RREB1: variants seen among roughly 807,000 people sequenced by gnomAD.
RREB1 encodes ras-responsive element-binding protein 1.
RREB1 carries 27 observed loss-of-function variants against 117.8 expected under a neutral mutation model. The observed-to-expected ratio is 0.23, with a 90% CI of 0.17 to 0.32. RREB1 has a LOEUF of 0.32. Ranked by LOEUF, RREB1 falls within the 10% of genes least tolerant of loss-of-function variation. The probability of loss-of-function intolerance (pLI) is 1.00; values close to 1 mark genes in which losing one functional copy is unlikely to be tolerated. For missense variants in RREB1, 2,577 were observed against 2,378.2 expected (o/e 1.08, Z -1.74); for synonymous variants, 1,298 against 1,026.7 (o/e 1.26, Z -5.05).
intron 1 of RREB1, among the ~76,000 whole-genome samples, chr6:7,116,601 A>G (rs1333455167): frequency 3.3e-5 from 5 of 152,216 alleles, no homozygotes; most frequent in East Asian, 1.9e-4. Context: ...GAATAGCCAC[A>G]TGTAATTTGG....
intron 11 of RREB1, among the ~76,000 whole-genome samples, chr6:7,244,352 C>T (rs1462958677): frequency 1.3e-5 from 2 of 151,952 alleles, no homozygotes; most frequent in African/African-American, 4.8e-5. Flanking sequence ...GCAGGAGGAC[C>T]CCTTGAGCCC....
intron 8 of RREB1, among the ~76,000 whole-genome samples, chr6:7,219,734 T>C (rs1767127204): frequency 6.6e-6 from 1 of 152,160 alleles, no homozygotes; most frequent in Admixed American, 6.5e-5. Context: ...TAAGCACATA[T>C]CAGAGACTCT....
chr6:7,227,401 C>T (rs1000723715), intron 9 of RREB1, among the ~76,000 whole-genome samples: 4 of 151,708 alleles, frequency 2.6e-5, no homozygotes, highest in Admixed American at 6.6e-5. Context: ...ATTAGCCAGG[C>T]GTGGTAGCAT....
Position 7,231,568 on chromosome 6 carries a change from A to G in RREB1, c.3469A>G (p.Arg1157Gly). The change falls in exon 10 of 13, where the codon AGG becomes GGG. Residue 1157 changes from arginine to glycine, a missense_variant. Physicochemically the swap from Arg to Gly is moderately radical, Grantham distance 125. Transcript: ENST00000379938. The part of the protein sequence containing the change: ...AGTSKKRGRK[R>G]GMRSRPRANS... The stretch of plus-strand genomic sequence containing the variant: ...CACGTCGAAGAAGAGGGGCCGGAAA[A>G]GGGGGATGAGGAGCCGACCCCGCGC... The G allele has an allele frequency of 6.2e-7, 1 of 1,610,898 alleles. No individual in the cohort carries two copies. The highest frequency in any genetic ancestry group is 8.5e-7 in the Non-Finnish European group (1 of 1,179,040).
Position 7,211,661 on chromosome 6 carries a change from A to T in RREB1, c.659A>T (p.Lys220Met). The change falls in exon 8 of 13, where the codon AAG becomes ATG. Residue 220 changes from lysine (K) to methionine (M), a missense_variant. Transcript: ENST00000379938. Reference protein sequence around the residue: ...CPVCFKEFVCKYGLETHMETH... With the variant: ...CPVCFKEFVCMYGLETHMETH... ...GTATGTTTCAAGGAGTTTGTTTGCA[A>T]GTATGGACTGGAGACCCACATGGAG... The T allele has an allele frequency of 6.2e-7, 1 of 1,614,122 alleles. No individual in the cohort carries two copies. Among genetic ancestry groups the T allele is most frequent in the South Asian group, 1.1e-5 (1 of 91,078 alleles).
intron 1 of RREB1, among the ~76,000 whole-genome samples, chr6:7,126,244 C>T (rs983868070): frequency 1.1e-4 from 16 of 152,058 alleles, no homozygotes; most frequent in African/African-American, 3.9e-4. Flanking sequence ...TCGTGATCCG[C>T]CCGCCTTGGC....
chr6:7,239,629 C>T (rs1461728709), intron 10 of RREB1, among the ~76,000 whole-genome samples: 2 of 152,204 alleles, frequency 1.3e-5, no homozygotes, highest in Non-Finnish European at 2.9e-5. Flanking sequence ...TGGGATGGGT[C>T]TAGGGGCGAG....
intron 5 of RREB1, among the ~76,000 whole-genome samples, chr6:7,188,424 T>A (rs1277410279): frequency 6.6e-6 from 1 of 152,106 alleles, no homozygotes; most frequent in African/African-American, 2.4e-5. Flanking sequence ...CCAATTTTTT[T>A]ATATTTTTAG....
In RREB1 at chr6:7,230,493, G is replaced by C. The variant is rs756923290; in HGVS notation, c.2394G>C (p.Ala798=). ...KPFECKECSA[A]FAAKRNCIHH... Reference sequence around the variant, plus strand: ...TCGAGTGCAAGGAGTGCAGCGCCGCGTTCGCGGCCAAGCGCAACTGCATCC... The same window carrying C: ...TCGAGTGCAAGGAGTGCAGCGCCGCCTTCGCGGCCAAGCGCAACTGCATCC... Residue 798 remains alanine (A), a synonymous_variant, in exon 10 of 13, where the codon GCG becomes GCC. Coordinates refer to ENST00000379938, the MANE Select transcript of RREB1 (RefSeq NM_001003699.4). 1.3e-5 allele frequency: 21 copies of C among 1,593,784 alleles called. No homozygotes were observed. In the African/African-American group the frequency reaches 2.3e-4, roughly 17 times the overall value.
chr6:7,191,438 C>T lies in RREB1; in HGVS notation c.425+2116C>T, dbSNP rs80038216. 3.6e-3 allele frequency among the ~76,000 whole-genome samples: 553 copies of T among 152,170 alleles called. 1 individual carries two copies. The highest frequency in any genetic ancestry group is 0.017 in the Middle Eastern group (5 of 294). Reference sequence around the variant, plus strand: ...CAAAGCTGCTGTTGACATTGTTGTACGACATTTTGTGTGGGCCTGTGTTTT... The same window carrying T: ...CAAAGCTGCTGTTGACATTGTTGTATGACATTTTGTGTGGGCCTGTGTTTT... On this transcript the variant is annotated intron_variant, in intron 6 of 12. Coordinates refer to ENST00000379938, the MANE Select transcript of RREB1 (RefSeq NM_001003699.4).
intron 3 of RREB1, 52 bp downstream of exon 3, chr6:7,181,298 C>T (rs1413350429): frequency 5.0e-6 from 2 of 398,830 alleles, no homozygotes; most frequent in Non-Finnish European, 8.8e-6. Context: ...GGGTACGTTA[C>T]CTGCTTTATA....
chr6:7,228,063 A>G (rs1400266515), intron 9 of RREB1, among the ~76,000 whole-genome samples: 4 of 152,084 alleles, frequency 2.6e-5, no homozygotes, highest in African/African-American at 9.7e-5. Flanking sequence ...AAAAATAAAT[A>G]AATAAAACTA....
At chr6:7,223,333 G>A (rs147287945) in intron 8 of RREB1, among the ~76,000 whole-genome samples, 7,897 of 150,990 alleles carry the variant, frequency 0.052, 313 homozygotes, top group Middle Eastern at 0.091. Flanking sequence ...AGGCCGAGGC[G>A]GGCAGATCAG....
intron 12 of RREB1, among the ~76,000 whole-genome samples, chr6:7,247,451 T>C (rs184417607): frequency 8.4e-4 from 127 of 152,048 alleles, no homozygotes; most frequent in African/African-American, 2.9e-3. Context: ...GCCGTTGTGT[T>C]TTTGAGAACG....
At chr6:7,116,416 A>G (rs1761401538) in intron 1 of RREB1, among the ~76,000 whole-genome samples, 1 of 152,128 alleles carries the variant, frequency 6.6e-6, no homozygotes, top group Non-Finnish European at 1.5e-5. Flanking sequence ...TGTTGTGAGT[A>G]ACTTTTACCC....
Position 7,247,008 on chromosome 6 carries a change from G to C in RREB1, c.4558G>C (p.Glu1520Gln), listed in dbSNP as rs748693237. ...CCCGGGTGCCGGGGAGGCCCCGGCG[G>C]AAAAGCTCGCGGAGGAGACGGAGGG... ...SAPGAGEAPA[E>Q]KLAEETEGPS... Residue 1520 changes from glutamate to glutamine, a missense_variant, in exon 12 of 13, where the codon GAA (glutamate) becomes CAA (glutamine). Glu to Gln is a conservative substitution (Grantham distance 29). Coordinates refer to ENST00000379938, the MANE Select transcript of RREB1 (RefSeq NM_001003699.4). 1.1e-5 allele frequency: 18 copies of C among 1,607,362 alleles called. No individual in the cohort carries two copies. Among genetic ancestry groups the C allele is most frequent in the Non-Finnish European group, 8.5e-7 (1 of 1,177,202 alleles).
chr6:7,119,496 A>G (rs140046574), intron 1 of RREB1, among the ~76,000 whole-genome samples: 2 of 152,290 alleles, frequency 1.3e-5, no homozygotes, highest in African/African-American at 4.8e-5. Context: ...TGTGGAAGTG[A>G]CATTTGAGCT....
At chr6:7,221,366 G>T (rs1033519002) in intron 8 of RREB1, among the ~76,000 whole-genome samples, 5 of 151,938 alleles carry the variant, frequency 3.3e-5, no homozygotes, top group Admixed American at 3.3e-4. Flanking sequence ...TAGAGACGGG[G>T]TTTCACCTTG....
chr6:7,176,061 C>T (rs889665345), intron 1 of RREB1, among the ~76,000 whole-genome samples: 3 of 152,156 alleles, frequency 2.0e-5, no homozygotes, highest in South Asian at 2.1e-4. Context: ...GGACTACAGG[C>T]GCATGCCACC....
Sources: allele counts gnomAD v4.1 joint callset (sites outside exome capture counted in the v4.1 genomes callset), GRCh38; gene constraint gnomAD v4.1.1; transcripts MANE v1.5; gene names NCBI Gene and HGNC (gene_info 2026-07-23, HGNC 2026-07-21).